Variants in SLC25A13 observed in about 807,000 individuals in gnomAD.
SLC25A13 encodes the protein electrogenic aspartate/glutamate antiporter SLC25A13, mitochondrial.
In SLC25A13, 70 loss-of-function variants were observed where a neutral mutation model predicts 85.5. The observed-to-expected ratio is 0.82, with a 90% CI of 0.68 to 1.00. The LOEUF (loss-of-function observed/expected upper bound fraction) is 1.00, where lower values mean the gene tolerates loss of function less well. Ranked by LOEUF, SLC25A13 falls within the 50% of genes least tolerant of loss-of-function variation. The pLI, the probability that SLC25A13 is intolerant of heterozygous loss-of-function variation, is 0.00. For missense variants in SLC25A13, 765 were observed against 819.8 expected (o/e 0.93, Z 0.82); for synonymous variants, 259 against 288.7 (o/e 0.90, Z 1.04).
At chr7:96,162,591 C>T (rs1793554840) in intron 13 of SLC25A13, among the ~76,000 whole-genome samples, 1 of 152,010 alleles carries the variant, frequency 6.6e-6, no homozygotes, top group African/African-American at 2.4e-5. Flanking sequence ...CAAAACTGAA[C>T]AACTTAAGCT....
chr7:96,160,649 G>T (rs1793472427), intron 13 of SLC25A13, among the ~76,000 whole-genome samples: 1 of 152,146 alleles, frequency 6.6e-6, no homozygotes, highest in South Asian at 2.1e-4. Flanking sequence ...CCACCCTCAT[G>T]ACCTAATCAC....
At chr7:96,294,271 G>A (rs1165251246) in intron 2 of SLC25A13, among the ~76,000 whole-genome samples, 3 of 151,596 alleles carry the variant, frequency 2.0e-5, no homozygotes, top group African/African-American at 7.3e-5. Flanking sequence ...CACACACTGG[G>A]GCCTGTTGTG....
intron 3 of SLC25A13, among the ~76,000 whole-genome samples, chr7:96,276,938 T>C (rs1242386817): frequency 6.6e-6 from 1 of 152,200 alleles, no homozygotes; most frequent in Non-Finnish European, 1.5e-5. Context: ...CATCACCACC[T>C]TGTTGACAAT....
intron 3 of SLC25A13, among the ~76,000 whole-genome samples, chr7:96,252,874 A>C (rs1364572266): frequency 6.6e-6 from 1 of 152,116 alleles, no homozygotes; most frequent in Non-Finnish European, 1.5e-5. Flanking sequence ...TGGGTGGATC[A>C]CTTGAGGCTA....
chr7:96,171,359 A>T, intron 12 of SLC25A13, 113 bp downstream of exon 12: 3 of 935,990 alleles, frequency 3.2e-6, no homozygotes. Context: ...CCTGCTTTCA[A>T]ATTAGCTAGC....
chr7:96,301,783 C>T (rs1427697425), intron 1 of SLC25A13, among the ~76,000 whole-genome samples: 2 of 152,004 alleles, frequency 1.3e-5, no homozygotes, highest in African/African-American at 2.4e-5. Flanking sequence ...CATGTGTCAC[C>T]AGGCCCCACT....
intron 5 of SLC25A13, among the ~76,000 whole-genome samples, chr7:96,196,212 C>A (rs1290773773): frequency 2.0e-5 from 3 of 152,198 alleles, no homozygotes; most frequent in Non-Finnish European, 2.9e-5. Flanking sequence ...TGAAAAATGA[C>A]CACAGTGCGT....
At chr7:96,123,761 C>G (rs1441662110) in intron 15 of SLC25A13, among the ~76,000 whole-genome samples, 3 of 152,136 alleles carry the variant, frequency 2.0e-5, no homozygotes, top group East Asian at 3.9e-4. Context: ...GAGAACTGCA[C>G]CAGGCTGCCC....
At chr7:96,253,252 A>G (rs767383360) in intron 3 of SLC25A13, among the ~76,000 whole-genome samples, 1 of 152,162 alleles carries the variant, frequency 6.6e-6, no homozygotes, top group Non-Finnish European at 1.5e-5. Context: ...TGCCACCAGG[A>G]AAGATGCCAG....
At chr7:96,290,295 C>A (rs1212635499) in intron 2 of SLC25A13, among the ~76,000 whole-genome samples, 3 of 152,148 alleles carry the variant, frequency 2.0e-5, no homozygotes, top group East Asian at 1.9e-4. Flanking sequence ...TGGAAAGGAA[C>A]AACTGGTACC....
chr7:96,279,644 T>C (rs1798593069), intron 2 of SLC25A13, among the ~76,000 whole-genome samples: 1 of 152,224 alleles, frequency 6.6e-6, no homozygotes, highest in Non-Finnish European at 1.5e-5. Flanking sequence ...TGGGGATTAT[T>C]ACAATTTAAG....
chr7:96,127,160 A>T (rs7806412), intron 15 of SLC25A13, among the ~76,000 whole-genome samples: 8,257 of 152,306 alleles, frequency 0.054, 736 homozygotes, highest in African/African-American at 0.19. Flanking sequence ...AGAGCATTCT[A>T]TAAAATTTGA....
intron 1 of SLC25A13, among the ~76,000 whole-genome samples, chr7:96,310,291 C>T (rs1799904068): frequency 1.3e-5 from 2 of 152,172 alleles, no homozygotes; most frequent in African/African-American, 4.8e-5. Context: ...TTCCAGCCTT[C>T]TTCATTCATA....
chr7:96,138,454 G>A (rs1373004212), intron 14 of SLC25A13, among the ~76,000 whole-genome samples: 1 of 148,492 alleles, frequency 6.7e-6, no homozygotes, highest in Non-Finnish European at 1.5e-5. Context: ...AGAGTGCAGT[G>A]GTGCAATCAT....
chr7:96,239,063 A>G (rs397890327), intron 3 of SLC25A13, among the ~76,000 whole-genome samples: 1 of 135,834 alleles, frequency 7.4e-6, no homozygotes, highest in Non-Finnish European at 1.6e-5. Flanking sequence ...ATATATATAT[A>G]TATATGTATG....
chr7:96,175,073 G>A (rs1794166160), intron 11 of SLC25A13, among the ~76,000 whole-genome samples: 1 of 152,178 alleles, frequency 6.6e-6, no homozygotes, highest in South Asian at 2.1e-4. Flanking sequence ...AGCAGGTGCT[G>A]CATACCAGAC....
intron 15 of SLC25A13, among the ~76,000 whole-genome samples, chr7:96,129,942 G>A (rs1292506724): frequency 6.6e-6 from 1 of 152,146 alleles, no homozygotes; most frequent in African/African-American, 2.4e-5. Context: ...TGAAAAACCT[G>A]AATAGGAAAA....
chr7:96,142,531 T>C (rs1792607896), intron 14 of SLC25A13, among the ~76,000 whole-genome samples: 1 of 152,212 alleles, frequency 6.6e-6, no homozygotes, highest in Admixed American at 6.5e-5. Flanking sequence ...GGTGATTCTA[T>C]GTCTTTGCTA....
At chr7:96,263,707 C>T (rs1004619543) in intron 3 of SLC25A13, among the ~76,000 whole-genome samples, 2 of 152,108 alleles carry the variant, frequency 1.3e-5, no homozygotes, top group African/African-American at 4.8e-5. Context: ...ATATTTTCAA[C>T]ATACTTATCC....
Sources: allele counts gnomAD v4.1 joint callset (sites outside exome capture counted in the v4.1 genomes callset), GRCh38; gene constraint gnomAD v4.1.1; transcripts MANE v1.5; gene names NCBI Gene and HGNC (gene_info 2026-07-23, HGNC 2026-07-21).